Variants in CIROP observed in about 807,000 individuals in gnomAD.
The protein encoded by CIROP is ciliated left-right organizer metallopeptidase.
chr14:23,104,910 A>G, the CIROP span: 2 of 669,304 alleles, frequency 3.0e-6, no homozygotes, highest in South Asian at 1.6e-5. Flanking sequence ...CAGCAGCAGC[A>G]GCAGCAGCAT....
At chr14:23,101,880 TGTG>T in the CIROP span, 1 of 702,502 alleles carries the variant, frequency 1.4e-6, no homozygotes, top group Admixed American at 2.0e-5. Flanking sequence ...CAGTCCCACA[TGTG>T]GTCACCAAGC....
At chr14:23,104,483 A>G in the CIROP span, 2 of 702,886 alleles carry the variant, frequency 2.8e-6, no homozygotes, top group African/African-American at 3.5e-5. Context: ...GAGGGACTTG[A>G]TAAGAAGTCA....
chr14:23,102,912 C>CATT, the CIROP span: 1 of 604,746 alleles, frequency 1.7e-6, no homozygotes, highest in Non-Finnish European at 2.9e-6. Flanking sequence ...CCCTATTCAT[C>CATT]ATGCAGCAGT....
At chr14:23,099,104 G>A in the CIROP span, 4 of 405,468 alleles carry the variant, frequency 9.9e-6, no homozygotes, top group African/African-American at 6.2e-5. Context: ...AATAAAGAAT[G>A]GATCTTTAGA....
chr14:23,100,090 A>G, the CIROP span: 1 of 159,090 alleles, frequency 6.3e-6, no homozygotes, highest in Non-Finnish European at 1.4e-5. Context: ...AACTGTCTCT[A>G]TCAAAAATAC....
the CIROP span, chr14:23,104,902 GC>G: frequency 9.3e-6 from 6 of 647,788 alleles, no homozygotes; most frequent in East Asian, 5.5e-5. Context: ...AGCAGCAGCA[GC>G]AGCAGCAGCA....
chr14:23,099,505 G>A, the CIROP span: 1 of 410,962 alleles, frequency 2.4e-6, no homozygotes, highest in Non-Finnish European at 4.4e-6. Flanking sequence ...AACATAGAAG[G>A]TAATATTTGG....
At chr14:23,103,736 A>G in the CIROP span, 4 of 702,816 alleles carry the variant, frequency 5.7e-6, no homozygotes, top group African/African-American at 1.7e-5. Flanking sequence ...AGTGTTTTGG[A>G]CCCCAGGCCC....
At chr14:23,100,446 A>C in the CIROP span, 2 of 413,176 alleles carry the variant, frequency 4.8e-6, no homozygotes, top group East Asian at 3.6e-5. Context: ...TAATAAATTT[A>C]ATTTCAAACA....
chr14:23,101,259 G>A, the CIROP span: 1 of 450,948 alleles, frequency 2.2e-6, no homozygotes, highest in Non-Finnish European at 3.9e-6. Flanking sequence ...CTTTTTGCCA[G>A]TATGCTGCAA....
At chr14:23,102,842 TC>T in the CIROP span, 190 of 635,792 alleles carry the variant, frequency 3.0e-4, no homozygotes, top group African/African-American at 3.1e-3. Flanking sequence ...CTCTGTGGGT[TC>T]TTTGACTTAA....
the CIROP span, chr14:23,099,937 A>C: frequency 6.0e-6 from 1 of 167,876 alleles, no homozygotes; most frequent in Admixed American, 6.5e-5. Context: ...TATGTTCTTT[A>C]GGTAGCTAGA....
chr14:23,103,315 A>G, the CIROP span: 1 of 374,152 alleles, frequency 2.7e-6, no homozygotes, highest in East Asian at 4.1e-5. Context: ...TTGGGAAGCC[A>G]AGGTGGGCAG....
chr14:23,102,678 GAA>G, the CIROP span: 5 of 702,852 alleles, frequency 7.1e-6, no homozygotes, highest in Non-Finnish European at 1.3e-5. Flanking sequence ...GCTGTCCAGA[GAA>G]ACCCAAGGCA....
chr14:23,102,822 C>T, the CIROP span: 1 of 663,834 alleles, frequency 1.5e-6, no homozygotes, highest in Admixed American at 2.2e-5. Flanking sequence ...GAGGCACCTT[C>T]TATTCCATCC....
At chr14:23,099,557 C>CTTT in the CIROP span, 1,034 of 307,518 alleles carry the variant, frequency 3.4e-3, 1 homozygote, top group Middle Eastern at 4.4e-3. Context: ...GCGGCATTAC[C>CTTT]TTTTTTTTTT....
the CIROP span, chr14:23,101,935 G>A: frequency 7.1e-6 from 5 of 701,444 alleles, no homozygotes; most frequent in South Asian, 7.4e-5. Flanking sequence ...GAGAAGGAAA[G>A]AGAGCCCTCA....
the CIROP span, chr14:23,100,745 A>C: frequency 7.5e-5 from 30 of 398,714 alleles, no homozygotes; most frequent in Admixed American, 9.2e-4. Flanking sequence ...CTCATGAAAC[A>C]GATGCAGGCT....
the CIROP span, chr14:23,099,751 T>G: frequency 2.2e-5 from 6 of 273,508 alleles, no homozygotes; most frequent in Non-Finnish European, 4.3e-5. Context: ...CCCTTAAAGA[T>G]AGAGCTCATG....
Sources: gnomAD v4.1 joint callset for allele counts on GRCh38, gnomAD v4.1.1 for gene constraint, MANE v1.5 for transcripts, NCBI Gene and HGNC (gene_info 2026-07-23, HGNC 2026-07-21) for gene names.